Variants in INTS1 observed in about 807,000 individuals in gnomAD.
INTS1 encodes the protein integrator complex subunit 1.
INTS1 carries 137 observed loss-of-function variants against 241.6 expected under a neutral mutation model. That is an observed-to-expected ratio of 0.57 (90% confidence interval 0.49 to 0.65). INTS1 has a LOEUF of 0.65. Among genes scored for constraint, INTS1 ranks in the 30% least tolerant of loss-of-function variants. The pLI is 0.00. For synonymous variants in INTS1, 1,692 were observed against 1,337.8 expected, an observed-to-expected ratio of 1.26 and a Z score of -5.78; for missense variants, 3,073 against 3,032.2, an observed-to-expected ratio of 1.01 and a Z score of -0.32.
In INTS1 at chr7:1,481,429, C is replaced by T. The variant is rs376068879; in HGVS notation, c.3763G>A (p.Val1255Met). 13 of 1,609,390 alleles carry T rather than the reference C, an allele frequency of 8.1e-6. No homozygotes were observed. Among genetic ancestry groups the T allele is most frequent in the South Asian group, 5.5e-5 (5 of 91,024 alleles). The change falls in exon 28 of 48, where the codon GTG (valine) becomes ATG (methionine). Residue 1255 changes from valine to methionine, a missense_variant. Physicochemically the swap from Val to Met is conservative, Grantham distance 21 (BLOSUM62 1). Coordinates refer to ENST00000404767, the MANE Select transcript of INTS1 (RefSeq NM_001080453.3). The surrounding 1 kb of genome is among the most constrained non-coding windows in gnomAD (Gnocchi z 6.8). ...TGGAGGAGTTTGCTCATGCTGGACA[C>T]GGGGATGCCAAACGACTGCACGAAC... ...LLFVQSFGIP[V>M]SSMSKLLQFL...
Position 1,489,602 on chromosome 7 carries a change from G to A in INTS1, c.2246C>T (p.Pro749Leu). 1 of 1,587,206 alleles carries A rather than the reference G, an allele frequency of 6.3e-7. No homozygotes were observed. Among genetic ancestry groups the A allele is most frequent in the South Asian group, 1.1e-5 (1 of 87,348 alleles). Residue 749 changes from proline to leucine, a missense_variant, in exon 17 of 48, where the codon CCA becomes CTA. Transcript: ENST00000404767. ...CAGCAGAGGCTCACCGATGTTCTCT[G>A]GGTTGAATGCGGCGACGACCAGCAG... ...PLLLVVAAFNPENIGLAAWEE... is the reference protein window; with the variant it reads ...PLLLVVAAFNLENIGLAAWEE...
intron 9 of INTS1, 42 bp from the exon 10 acceptor site, chr7:1,498,595 G>A (rs1165229789): frequency 5.6e-6 from 9 of 1,599,668 alleles, no homozygotes; most frequent in East Asian, 2.2e-5. Flanking sequence ...CGCTACGCCT[G>A]TGCCCCCACT....
In INTS1 at chr7:1,474,814, T is replaced by A. The variant is rs973071489; in HGVS notation, c.5527A>T (p.Ile1843Phe). The change falls in exon 40 of 48, where the codon ATC becomes TTC. Residue 1843 changes from isoleucine to phenylalanine, a missense_variant. Coordinates refer to ENST00000404767, the MANE Select transcript of INTS1 (RefSeq NM_001080453.3). ...CKLDGLIHRF[I>F]TLLADTSDSR... The stretch of plus-strand genomic sequence containing the variant: ...TCGCTGGTGTCCGCAAGGAGCGTGA[T>A]GAAGCGGTGGATGAGTCCGTCCAGC... 17 of 1,591,020 alleles carry A rather than the reference T, an allele frequency of 1.1e-5. No individual in the cohort carries two copies. The highest frequency in any genetic ancestry group is 1.3e-5 in the African/African-American group (1 of 74,586).
chr7:1,470,981 G>A lies in INTS1; in HGVS notation c.6348-26C>T, dbSNP rs757838613. ...CTGAAAGACCCACACACTTCAGTGG[G>A]AACCTCCACCCTGTGCCCACGCCAG... On this transcript the variant is annotated intron_variant, in intron 46 of 47. Transcript: ENST00000404767. The A allele has an allele frequency of 7.1e-6, 11 of 1,541,748 alleles. 1 individual carries two copies. The South Asian group carries it at 1.3e-4, about 18-fold the overall frequency.
chr7:1,483,079 A>G (rs1443384674), intron 26 of INTS1: 1 of 241,860 alleles, frequency 4.1e-6, no homozygotes, highest in Non-Finnish European at 8.1e-6. Context: ...ACACAGGGCC[A>G]GCTTCTCCGG....
chr7:1,495,367 C>T (rs965473691), intron 13 of INTS1, 66 bp downstream of exon 13: 18 of 1,541,874 alleles, frequency 1.2e-5, no homozygotes, highest in East Asian at 2.3e-5. Context: ...AGGGGTTGTG[C>T]GGGGCCCCGG....
Position 1,481,534 on chromosome 7 carries a change from G to C in INTS1, c.3704-46C>G. The C allele has an allele frequency of 1.3e-6, 2 of 1,557,636 alleles. No homozygotes were observed. The highest frequency in any genetic ancestry group is 1.7e-6 in the Non-Finnish European group (2 of 1,153,724). On this transcript the variant is annotated intron_variant, in intron 27 of 47. Coordinates refer to ENST00000404767, the MANE Select transcript of INTS1 (RefSeq NM_001080453.3). This position sits in a 1 kb window ranked among gnomAD's most constrained non-coding sequence, Gnocchi z 6.8. ...TAACGCCACCCAAAACCCGGGCAAT[G>C]CGCACTCGGGACCCCACCCGAGACC...
intron 26 of INTS1, 158 bp from the exon 27 acceptor site, chr7:1,482,865 C>A (rs773721259): frequency 1.2e-6 from 1 of 808,602 alleles, no homozygotes; most frequent in Non-Finnish European, 1.9e-6. Flanking sequence ...TTGCTATGTG[C>A]GGATGCTTTG....
chr7:1,487,619 C>A (rs7785978), intron 19 of INTS1, 141 bp downstream of exon 19: 2 of 1,273,314 alleles, frequency 1.6e-6, no homozygotes, highest in Non-Finnish European at 2.2e-6. Flanking sequence ...GCCAGGGACG[C>A]GGGGACGGGG....
Position 1,503,021 on chromosome 7 carries a change from G to A in INTS1, c.229C>T (p.Arg77Cys), listed in dbSNP as rs200649090. The stretch of plus-strand genomic sequence containing the variant: ...GGGGGTGTGGAGGAGAGTTTGGGGC[G>A]TTTGGTGAGACCGGTGAGGGCCGAG... ...SASALTGLTK[R>C]PKLSSTPPLS... Residue 77 changes from arginine to cysteine, a missense_variant, in exon 3 of 48, where the codon CGC becomes TGC. Transcript: ENST00000404767. 8.3e-5 allele frequency: 134 copies of A among 1,613,702 alleles called. 1 individual carries two copies. Among genetic ancestry groups the A allele is most frequent in the Admixed American group, 8.2e-4 (49 of 60,012 alleles).
intron 43 of INTS1, 46 bp downstream of exon 43, chr7:1,473,026 G>C (rs1320387314): frequency 7.5e-7 from 1 of 1,332,796 alleles, no homozygotes; most frequent in East Asian, 2.4e-5. Flanking sequence ...GGCCCTGTAG[G>C]ACTGTTCCGC....
At chr7:1,491,113 T>G (rs1277421171) in intron 16 of INTS1, among the ~76,000 whole-genome samples, 1 of 152,100 alleles carries the variant, frequency 6.6e-6, no homozygotes, top group Non-Finnish European at 1.5e-5. Flanking sequence ...ATCACCAAAC[T>G]ATAACATTCC....
In INTS1 at chr7:1,481,321, C is replaced by T. The variant is rs376491852; in HGVS notation, c.3850+21G>A. The T allele has an allele frequency of 2.1e-4, 341 of 1,612,458 alleles. 2 individuals carry two copies. The highest frequency in any genetic ancestry group is 2.0e-3 in the Middle Eastern group (12 of 6,060). ...TCGGTCAGCGTGTGTGAACCCACTC[C>T]GCAGGTCCCTGGCATCTTACTCTTG... On this transcript the variant is annotated intron_variant, in intron 28 of 47. Coordinates refer to ENST00000404767, the MANE Select transcript of INTS1 (RefSeq NM_001080453.3). This position sits in a 1 kb window ranked among gnomAD's most constrained non-coding sequence, Gnocchi z 6.8.
chr7:1,496,357 A>G (rs1782855713), intron 11 of INTS1, 93 bp from the exon 12 acceptor site: 2 of 494,858 alleles, frequency 4.0e-6, no homozygotes, highest in Non-Finnish European at 7.1e-6. Context: ...TGTATCCAGA[A>G]GGGACACCCG....
In INTS1 at chr7:1,475,956, C is replaced by A; in HGVS notation, c.5494G>T (p.Val1832Phe). 3.2e-6 allele frequency: 5 copies of A among 1,540,100 alleles called. No individual in the cohort carries two copies. The highest frequency in any genetic ancestry group is 3.5e-6 in the Non-Finnish European group (4 of 1,144,858). ...LHSEGAASSS[V>F]CKLDGLIHRF... ...CAGAGTTGCGCCCTCACCTTGCAGA[C>A]GCTGCTGCTGGCAGCCCCTTCGCTG... is the stretch of plus-strand genomic sequence containing the variant. The change falls in exon 39 of 48, where the codon GTC (valine) becomes TTC (phenylalanine). Residue 1832 changes from valine (V) to phenylalanine (F), a missense_variant. Physicochemically the swap from Val to Phe is conservative, Grantham distance 50. Transcript: ENST00000404767.
At chr7:1,487,191 G>T (rs7807096) in intron 20 of INTS1, 90 bp from the exon 21 acceptor site, 12 of 1,507,122 alleles carry the variant, frequency 8.0e-6, no homozygotes, top group Non-Finnish European at 1.1e-5. Flanking sequence ...CGGAAAGGGC[G>T]ACACGCAGCA....
Position 1,498,400 on chromosome 7 carries a change from C to T in INTS1, c.1425+12G>A. The stretch of plus-strand genomic sequence containing the variant: ...CCGGCGTGGAGGGCAAGGCCAGGGA[C>T]CCTGGGCCTACCTTGGGCGCCAGCT... On this transcript the variant is annotated intron_variant, in intron 10 of 47. Coordinates refer to ENST00000404767, the MANE Select transcript of INTS1 (RefSeq NM_001080453.3). 1 of 1,613,366 alleles carries T rather than the reference C, an allele frequency of 6.2e-7. No homozygotes were observed. Among genetic ancestry groups the T allele is most frequent in the Non-Finnish European group, 8.5e-7 (1 of 1,179,770 alleles).
At chr7:1,491,223 A>G (rs1782533646) in intron 16 of INTS1, among the ~76,000 whole-genome samples, 1 of 152,240 alleles carries the variant, frequency 6.6e-6, no homozygotes, top group Non-Finnish European at 1.5e-5. Flanking sequence ...CACGAAGATG[A>G]TCGGGCCTCC....
At chr7:1,473,783 C>A (rs892787460) in intron 41 of INTS1, 90 bp from the exon 42 acceptor site, 18 of 1,515,630 alleles carry the variant, frequency 1.2e-5, no homozygotes, top group Admixed American at 1.8e-5. Context: ...AGCCTCAGGG[C>A]ATGGACCCCA....
Sources: gnomAD v4.1 joint callset for allele counts (sites outside exome capture counted in the v4.1 genomes callset) on GRCh38, gnomAD v4.1.1 for gene constraint, Gnocchi (gnomAD v3.1) non-coding constraint, MANE v1.5 for transcripts, NCBI Gene and HGNC (gene_info 2026-07-23, HGNC 2026-07-21) for gene names.